WDR72: variants seen among roughly 807,000 people sequenced by gnomAD.
WDR72 encodes WD repeat domain 72, also known as WD repeat-containing protein 72.
Under a neutral mutation model 124.2 loss-of-function variants are expected in WDR72, and 120 were observed. The ratio of observed to expected loss-of-function variants is 0.97; its 90% CI spans 0.83 to 1.12. The LOEUF (loss-of-function observed/expected upper bound fraction) is 1.12, where lower values mean the gene tolerates loss of function less well. Ranked by LOEUF, WDR72 falls within the 50% of genes most tolerant of loss-of-function variation. The pLI is 0.00. For missense variants in WDR72, 1,387 were observed against 1,278.8 expected, an observed-to-expected ratio of 1.08 and a Z score of -1.29; for synonymous variants, 452 against 441.7, an observed-to-expected ratio of 1.02 and a Z score of -0.29.
At chr15:53,644,597 A>G (rs2014974366) in intron 14 of WDR72, among the ~76,000 whole-genome samples, 1 of 150,732 alleles carries the variant, frequency 6.6e-6, no homozygotes, top group Non-Finnish European at 1.5e-5. Context: ...TCTGGAAACC[A>G]TTGGTGGAAT....
intron 14 of WDR72, among the ~76,000 whole-genome samples, chr15:53,655,969 G>A (rs1034368305): frequency 1.3e-5 from 2 of 152,318 alleles, no homozygotes; most frequent in South Asian, 2.1e-4. Context: ...GGGATTACAG[G>A]CGTGAGCCAT....
In WDR72 at chr15:53,610,207, A is replaced by C. The variant is rs540219052; in HGVS notation, c.2873-615T>G. Among the ~76,000 whole-genome samples, 3 of 152,220 alleles carry C rather than the reference A, an allele frequency of 2.0e-5. No homozygotes were observed. In the South Asian group the frequency reaches 6.2e-4, roughly 32 times the overall value. ...GTCCTTTCTATTTGCCTTAATGTTC[A>C]GTGTGAAATTTTAAGAATGAGTGAG... On this transcript the variant is annotated intron_variant, in intron 16 of 19. Coordinates refer to ENST00000360509, the MANE Select transcript of WDR72 (RefSeq NM_182758.4).
intron 1 of WDR72, among the ~76,000 whole-genome samples, chr15:53,739,509 A>C (rs2018449656): frequency 6.6e-6 from 1 of 152,264 alleles, no homozygotes; most frequent in African/African-American, 2.4e-5. Context: ...CTAAGACAAG[A>C]GTTAAATAGA....
intron 13 of WDR72, among the ~76,000 whole-genome samples, chr15:53,695,074 A>G (rs1399127132): frequency 6.6e-6 from 1 of 152,226 alleles, no homozygotes; most frequent in Non-Finnish European, 1.5e-5. Flanking sequence ...CCAGCCCTCT[A>G]CAGAAAAAAG....
chr15:53,570,262 AT>A (rs34458553), intron 18 of WDR72, among the ~76,000 whole-genome samples: 90,162 of 146,502 alleles, frequency 0.62, 28,373 homozygotes, highest in Middle Eastern at 0.77. Flanking sequence ...CTCATATACC[AT>A]TTTTTTTTTT....
Position 53,714,609 on chromosome 15 carries a change from A to G in WDR72, c.515-99T>C. The G allele has an allele frequency of 4.4e-6, 4 of 913,474 alleles. No homozygotes were observed. The South Asian group carries it at 5.8e-5, about 13-fold the overall frequency. The allele number at this position is 913,474 out of a possible 1,614,324, so 56.6% of individuals were successfully genotyped here. A position where few individuals can be genotyped will look rare whatever the true frequency, so the allele number is the denominator to read the frequency against. ...ATTTAAGAATTACGCAGGGCTGTGT[A>G]GATAGAAAATTTTCAGCTTTGGAGT... On this transcript the variant is annotated intron_variant, in intron 5 of 19. Coordinates refer to ENST00000360509, the MANE Select transcript of WDR72 (RefSeq NM_182758.4).
intron 18 of WDR72, among the ~76,000 whole-genome samples, chr15:53,554,151 T>C (rs2140283950): frequency 6.6e-6 from 1 of 152,256 alleles, no homozygotes; most frequent in Middle Eastern, 3.4e-3. Flanking sequence ...TCTTGCTAGG[T>C]CCCCTTTTAG....
At position 53,738,628 on chromosome 15, in the gene WDR72, T is replaced by C. The variant is rs1254370653; in HGVS notation, c.-12-5467A>G. On this transcript the variant is annotated intron_variant, in intron 1 of 19. Transcript: ENST00000360509. ...TTTGTTTGTTTGAGATGGAGTCTCG[T>C]TCTTGTCGCCCATGCTGAAGTGCAA... 3.9e-5 allele frequency among the ~76,000 whole-genome samples: 6 copies of C among 152,170 alleles called. No homozygotes were observed. In the East Asian group the frequency reaches 7.7e-4, roughly 20 times the overall value.
rs28816108 is a variant in WDR72 at position 53,603,951 on chromosome 15, G to A, written c.2952+5562C>T. Among the ~76,000 whole-genome samples, 880 of 152,066 alleles carry A rather than the reference G, an allele frequency of 5.8e-3. 8 individuals carry two copies. The highest frequency in any genetic ancestry group is 0.021 in the African/African-American group (857 of 41,486). On this transcript the variant is annotated intron_variant, in intron 17 of 19. Transcript: ENST00000360509. ...TTGCTATTCATATCAAGCTATCAAC[G>A]TCATTTTTCACATAACTAGAAAAAA...
At chr15:53,560,671 TAA>T (rs1048677359) in intron 18 of WDR72, among the ~76,000 whole-genome samples, 1 of 151,918 alleles carries the variant, frequency 6.6e-6, no homozygotes, top group Non-Finnish European at 1.5e-5. Flanking sequence ...AAGTCTAGTT[TAA>T]GTTTTTTAGT....
intron 14 of WDR72, among the ~76,000 whole-genome samples, chr15:53,643,479 A>C (rs187471802): frequency 6.6e-6 from 1 of 152,132 alleles, no homozygotes; most frequent in African/African-American, 2.4e-5. Flanking sequence ...CTAAAACGTT[A>C]AAGTCCCTAG....
intron 7 of WDR72, among the ~76,000 whole-genome samples, chr15:53,712,241 G>T (rs1176519220): frequency 2.0e-5 from 3 of 152,048 alleles, no homozygotes; most frequent in African/African-American, 4.8e-5. Context: ...CAAAACTGTT[G>T]CATATACCAT....
In WDR72 at chr15:53,711,375, G is replaced by A. The variant is rs566975485; in HGVS notation, c.818C>T (p.Thr273Ile). The A allele has an allele frequency of 6.2e-7, 1 of 1,614,000 alleles. No individual in the cohort carries two copies. The highest frequency in any genetic ancestry group is 1.3e-5 in the African/African-American group (1 of 74,910). ...ATAGATGTAACTGTGACCATCTTCT[G>A]TCCAGATGAGGATTCTGTGAGCAGC... ...VIAAHRILIW[T>I]EDGHSYIYQL... is the part of the protein sequence containing the mutation. Residue 273 changes from threonine to isoleucine, a missense_variant, in exon 8 of 20, where the codon ACA (threonine) becomes ATA (isoleucine). Coordinates refer to ENST00000360509, the MANE Select transcript of WDR72 (RefSeq NM_182758.4).
intron 14 of WDR72, among the ~76,000 whole-genome samples, chr15:53,624,683 C>A (rs1170980981): frequency 1.3e-5 from 2 of 152,170 alleles, no homozygotes; most frequent in Admixed American, 6.5e-5. Flanking sequence ...AATTAACATA[C>A]AACAGAGTTG....
intron 13 of WDR72, among the ~76,000 whole-genome samples, chr15:53,694,393 C>A (rs1448550829): frequency 6.6e-6 from 1 of 152,196 alleles, no homozygotes; most frequent in Non-Finnish European, 1.5e-5. Flanking sequence ...ACAGCCTCCC[C>A]ACTTGTAATT....
intron 18 of WDR72, among the ~76,000 whole-genome samples, chr15:53,528,685 A>G (rs1313727391): frequency 6.6e-6 from 1 of 152,016 alleles, no homozygotes; most frequent in Non-Finnish European, 1.5e-5. Flanking sequence ...ACACACAGAG[A>G]GGATTAAATT....
intron 3 of WDR72, among the ~76,000 whole-genome samples, chr15:53,719,421 GTTA>G (rs2017809942): frequency 6.6e-6 from 1 of 152,024 alleles, no homozygotes; most frequent in Admixed American, 6.5e-5. Flanking sequence ...TTCAGGTACT[GTTA>G]TTATGCTATT....
At chr15:53,562,305 C>G (rs1894151645) in intron 18 of WDR72, among the ~76,000 whole-genome samples, 1 of 151,726 alleles carries the variant, frequency 6.6e-6, no homozygotes, top group South Asian at 2.1e-4. Flanking sequence ...GCCTAGTTTT[C>G]TCTTAATTGC....
Position 53,597,100 on chromosome 15 carries a change from T to C in WDR72, c.3127A>G (p.Arg1043Gly). ...WTEELELQCV[R>G]NTLPLQTPVS... ...TTACTTTGCAGAGGCAAAGTGTTTC[T>C]AACACACTGTAACTCTAGTTCTTCT... Residue 1043 changes from arginine to glycine, a missense_variant, in exon 18 of 20, where the codon AGA becomes GGA. By Grantham distance (125) the Arg-to-Gly change is moderately radical. Coordinates refer to ENST00000360509, the MANE Select transcript of WDR72 (RefSeq NM_182758.4). 6.2e-7 allele frequency: 1 copy of C among 1,613,814 alleles called. No individual in the cohort carries two copies. Among genetic ancestry groups the C allele is most frequent in the Non-Finnish European group, 8.5e-7 (1 of 1,179,846 alleles).
Sources: allele counts gnomAD v4.1 joint callset (sites outside exome capture counted in the v4.1 genomes callset), GRCh38; gene constraint gnomAD v4.1.1; transcripts MANE v1.5; gene names NCBI Gene and HGNC (gene_info 2026-07-23, HGNC 2026-07-21).